The following CC2D2B variants were observed in gnomAD, a reference collection of about 807,000 sequenced individuals.
CC2D2B encodes the protein coiled-coil and C2 domain containing 2B, also known as protein CC2D2B.
A neutral mutation model predicts 161.2 loss-of-function variants in CC2D2B; 128 were observed. That is an observed-to-expected ratio of 0.79 (90% CI 0.69 to 0.92). The LOEUF (loss-of-function observed/expected upper bound fraction) is 0.92, where lower values mean the gene tolerates loss of function less well. CC2D2B is among the 40% of genes least tolerant of loss of function. The pLI, the probability that CC2D2B is intolerant of heterozygous loss-of-function variation, is 0.00. For synonymous variants in CC2D2B, 391 were observed against 449.8 expected (o/e 0.87, Z 1.65); for missense variants, 1,173 against 1,375.1 (o/e 0.85, Z 2.32).
At position 95,916,922 on chromosome 10, in the gene CC2D2B, G is replaced by A. The variant is rs559240406; in HGVS notation, c.37-5094G>A. 6.1e-4 allele frequency among the ~76,000 whole-genome samples: 86 copies of A among 141,536 alleles called. 3 individuals are homozygous for A. In the Middle Eastern group the frequency reaches 0.018, roughly 29 times the overall value. 92.9% of individuals were successfully genotyped at this position (141,536 alleles called of 152,430 possible). On this transcript the variant is annotated intron_variant, in intron 2 of 34. Transcript: ENST00000646931. ...TTAGGTCCATTTGGTCTTTAGTGTA[G>A]ATAAGGTCTGATATTTTTTGGTTGA... is the stretch of plus-strand genomic sequence containing the variant.
At chr10:95,995,635 C>T (rs2078201723) in intron 23 of CC2D2B, among the ~76,000 whole-genome samples, 1 of 152,238 alleles carries the variant, frequency 6.6e-6, no homozygotes, top group Admixed American at 6.5e-5. Flanking sequence ...CTTTCTATCC[C>T]ATAGGCATAT....
At chr10:95,983,853 T>A in intron 19 of CC2D2B, 44 bp downstream of exon 19, 2 of 913,924 alleles carry the variant, frequency 2.2e-6, no homozygotes, top group Non-Finnish European at 2.9e-6. Context: ...ATGATAAAGT[T>A]AACGTTTTGC....
chr10:95,928,747 T>TTTA (rs74780063), intron 6 of CC2D2B, among the ~76,000 whole-genome samples: 8 of 151,832 alleles, frequency 5.3e-5, no homozygotes, highest in Admixed American at 3.9e-4. Context: ...TCATCCTTTT[T>TTTA]TGTCTCCATA....
chr10:96,000,594 G>A (rs2078444758), intron 24 of CC2D2B, among the ~76,000 whole-genome samples: 1 of 152,002 alleles, frequency 6.6e-6, no homozygotes, highest in Non-Finnish European at 1.5e-5. Flanking sequence ...TTGATCTCCT[G>A]ACCTCATGAT....
chr10:95,968,348 T>C (rs2077014014), intron 14 of CC2D2B, among the ~76,000 whole-genome samples: 1 of 152,192 alleles, frequency 6.6e-6, no homozygotes. Flanking sequence ...TTAGGAAATA[T>C]TTTTAAATTC....
At chr10:96,005,274 C>T (rs554852406) in intron 25 of CC2D2B, among the ~76,000 whole-genome samples, 1 of 152,054 alleles carries the variant, frequency 6.6e-6, no homozygotes, top group Non-Finnish European at 1.5e-5. Flanking sequence ...AACAACTGAA[C>T]CCTTGAAAGT....
chr10:95,975,449 A>T (rs561346644), intron 17 of CC2D2B, among the ~76,000 whole-genome samples: 2 of 152,272 alleles, frequency 1.3e-5, no homozygotes, highest in South Asian at 2.1e-4. Context: ...GTTTGACAAT[A>T]AAAAAATGCT....
chr10:95,980,682 C>T (rs1166698025), intron 17 of CC2D2B, among the ~76,000 whole-genome samples: 1 of 152,114 alleles, frequency 6.6e-6, no homozygotes, highest in Admixed American at 6.6e-5. Flanking sequence ...TCGTAATTTT[C>T]CTTACATCTT....
chr10:95,932,142 T>G (rs2075625817), intron 6 of CC2D2B, among the ~76,000 whole-genome samples: 1 of 152,246 alleles, frequency 6.6e-6, no homozygotes. Context: ...AATGCCCTTC[T>G]TTGTCTTTTT....
At chr10:95,989,825 G>A (rs1017820205) in intron 20 of CC2D2B, among the ~76,000 whole-genome samples, 4 of 152,298 alleles carry the variant, frequency 2.6e-5, no homozygotes, top group Middle Eastern at 3.4e-3. Context: ...AGGTTTGGTA[G>A]TTTCATGGGA....
chr10:95,987,907 T>A (rs2141640438), intron 19 of CC2D2B, among the ~76,000 whole-genome samples: 2 of 152,330 alleles, frequency 1.3e-5, no homozygotes, highest in South Asian at 4.1e-4. Context: ...CCACGTATTT[T>A]GTTTTTAGTG....
intron 34 of CC2D2B, 58 bp from the exon 35 acceptor site, chr10:96,031,762 T>C: frequency 7.1e-7 from 1 of 1,398,952 alleles, no homozygotes; most frequent in Non-Finnish European, 1.0e-6. Flanking sequence ...TTGCATACAG[T>C]AATTCCAGAT....
At chr10:95,938,517 C>G (rs115526095) in intron 7 of CC2D2B, 52 bp from the exon 8 acceptor site, 17,408 of 643,262 alleles carry the variant, frequency 0.027, 446 homozygotes, top group South Asian at 0.069. Context: ...TGGTCAATAT[C>G]CATTTAATAT....
chr10:95,909,653 A>G lies in CC2D2B; in HGVS notation c.-24+1596A>G, dbSNP rs190800581. Among the ~76,000 whole-genome samples, 4 of 152,360 alleles carry G rather than the reference A, an allele frequency of 2.6e-5. No homozygotes were observed. The East Asian group carries it at 5.8e-4, about 22-fold the overall frequency. On this transcript the variant is annotated intron_variant, in intron 1 of 34. Transcript: ENST00000646931. ...AATTTTCTGATTGGATCACAATTAA[A>G]GATATGTTACTATATACTAAGATAT...
At chr10:96,024,244 C>CAT (rs1347444174) in intron 32 of CC2D2B, among the ~76,000 whole-genome samples, 3 of 129,034 alleles carry the variant, frequency 2.3e-5, no homozygotes, top group Admixed American at 8.1e-5. Flanking sequence ...TGTGTATGTG[C>CAT]ATGTGTGTGT....
At chr10:96,000,982 A>C (rs1245550474) in intron 24 of CC2D2B, among the ~76,000 whole-genome samples, 7 of 152,234 alleles carry the variant, frequency 4.6e-5, no homozygotes, top group Non-Finnish European at 1.0e-4. Context: ...CCTGTATATA[A>C]AAGTATTTTT....
At chr10:95,910,948 A>G (rs1355477038) in intron 1 of CC2D2B, among the ~76,000 whole-genome samples, 1 of 152,058 alleles carries the variant, frequency 6.6e-6, no homozygotes, top group Non-Finnish European at 1.5e-5. Flanking sequence ...ACTTTTACAT[A>G]TATTCTCTTG....
At chr10:95,986,844 G>A (rs142253602) in intron 19 of CC2D2B, among the ~76,000 whole-genome samples, 12 of 151,912 alleles carry the variant, frequency 7.9e-5, no homozygotes, top group Admixed American at 1.3e-4. Context: ...TGATCCGCCC[G>A]CCTCGGCCTC....
chr10:95,922,652 A>C (rs948125020), intron 3 of CC2D2B, among the ~76,000 whole-genome samples: 3 of 152,224 alleles, frequency 2.0e-5, no homozygotes, highest in African/African-American at 7.2e-5. Context: ...GGAATAGAAA[A>C]AGTAAAAAGC....
Sources: gnomAD v4.1 joint callset for allele counts (sites outside exome capture counted in the v4.1 genomes callset) on GRCh38, gnomAD v4.1.1 for gene constraint, MANE v1.5 for transcripts, NCBI Gene and HGNC (gene_info 2026-07-23, HGNC 2026-07-21) for gene names.